The following TBC1D5 variants were observed in gnomAD, a reference collection of about 807,000 sequenced individuals.
The protein encoded by TBC1D5 is TBC1 domain family, member 5.
TBC1D5 carries 75 observed loss-of-function variants against 100.3 expected under a neutral mutation model. That is an observed-to-expected ratio of 0.75 (90% confidence interval 0.62 to 0.91). The LOEUF (loss-of-function observed/expected upper bound fraction) is 0.91, where lower values mean the gene tolerates loss of function less well. TBC1D5 is among the 40% of genes least tolerant of loss of function. TBC1D5 has a pLI of 0.00. For missense variants in TBC1D5, 910 were observed against 942.4 expected (o/e 0.97, Z 0.45); for synonymous variants, 323 against 325.6 (o/e 0.99, Z 0.09).
At chr3:17,708,298 C>G (rs1259970404) in intron 1 of TBC1D5, among the ~76,000 whole-genome samples, 2 of 152,158 alleles carry the variant, frequency 1.3e-5, no homozygotes, top group South Asian at 2.1e-4. Context: ...CTACTTTGTT[C>G]CTTTTAACTA....
At chr3:17,304,610 G>T (rs1350572273) in intron 14 of TBC1D5, among the ~76,000 whole-genome samples, 4 of 152,096 alleles carry the variant, frequency 2.6e-5, no homozygotes, top group Non-Finnish European at 5.9e-5. Context: ...TTCACCACGT[G>T]TCTCAGACTG....
At chr3:17,673,436 G>A (rs1013494142) in intron 1 of TBC1D5, among the ~76,000 whole-genome samples, 3 of 148,582 alleles carry the variant, frequency 2.0e-5, no homozygotes, top group African/African-American at 7.4e-5. Context: ...TCAGCCTCCC[G>A]AGTACCTGAG....
intron 3 of TBC1D5, among the ~76,000 whole-genome samples, chr3:17,436,497 T>C (rs2094538259): frequency 6.6e-6 from 1 of 152,202 alleles, no homozygotes; most frequent in Non-Finnish European, 1.5e-5. Context: ...TTTTTCTTCT[T>C]ATCAATTAAA....
At chr3:17,591,970 T>C (rs1265097371) in intron 2 of TBC1D5, among the ~76,000 whole-genome samples, 3 of 152,186 alleles carry the variant, frequency 2.0e-5, no homozygotes, top group Non-Finnish European at 4.4e-5. Context: ...TGACAGTAGA[T>C]TATCGTAAGC....
chr3:17,545,107 A>G (rs943797862), intron 2 of TBC1D5, among the ~76,000 whole-genome samples: 2 of 152,170 alleles, frequency 1.3e-5, no homozygotes, highest in Non-Finnish European at 2.9e-5. Flanking sequence ...TTATTTTTTA[A>G]AAAAAGCACT....
At chr3:17,416,356 T>C (rs1191138492) in intron 4 of TBC1D5, among the ~76,000 whole-genome samples, 2 of 152,228 alleles carry the variant, frequency 1.3e-5, no homozygotes, top group Non-Finnish European at 1.5e-5. Context: ...TATTGTATTT[T>C]AATTAATTGA....
At chr3:17,316,539 C>A (rs1055802573) in intron 13 of TBC1D5, among the ~76,000 whole-genome samples, 1 of 152,142 alleles carries the variant, frequency 6.6e-6, no homozygotes, top group Non-Finnish European at 1.5e-5. Flanking sequence ...TATGTTATTG[C>A]GGATGCTTGT....
chr3:17,374,503 A>G, exon 12 of TBC1D5: 1 of 1,612,222 alleles, frequency 6.2e-7, no homozygotes, highest in Non-Finnish European at 8.5e-7. Flanking sequence ...GTTGAAAACC[A>G]AGGTTCAGCA....
intron 3 of TBC1D5, among the ~76,000 whole-genome samples, chr3:17,449,340 G>GT (rs1003644736): frequency 1.3e-5 from 2 of 152,182 alleles, no homozygotes; most frequent in Admixed American, 6.5e-5. Context: ...GCTAGTAGGA[G>GT]TTTTTTTCAT....
intron 1 of TBC1D5, chr3:17,647,040 T>C (rs934316424): frequency 3.3e-5 from 5 of 152,262 alleles, no homozygotes; most frequent in Admixed American, 2.6e-4. Context: ...AAACTTTACA[T>C]GTTCTGGACT....
chr3:17,674,758 A>G (rs2068405663), intron 1 of TBC1D5, among the ~76,000 whole-genome samples: 2 of 152,172 alleles, frequency 1.3e-5, no homozygotes, highest in South Asian at 2.1e-4. Context: ...TAGAAAGTAC[A>G]GTAAACAATA....
At chr3:17,371,998 CT>C in intron 13 of TBC1D5, 76 bp downstream of exon 13, 1 of 1,416,832 alleles carries the variant, frequency 7.1e-7, no homozygotes, top group Admixed American at 2.0e-5. Context: ...GATCATGCCA[CT>C]GCACTCTAGC....
chr3:17,617,374 T>C (rs1262055286), intron 2 of TBC1D5, among the ~76,000 whole-genome samples: 1 of 152,222 alleles, frequency 6.6e-6, no homozygotes, highest in Non-Finnish European at 1.5e-5. Context: ...GGGTTGCTCT[T>C]CTCAAGAATT....
At chr3:17,386,130 A>G (rs12494513) in intron 8 of TBC1D5, among the ~76,000 whole-genome samples, 60,945 of 151,892 alleles carry the variant, frequency 0.4, 12,881 homozygotes, top group Middle Eastern at 0.47. Flanking sequence ...TACGAATAGA[A>G]TAATACTTTT....
intron 13 of TBC1D5, among the ~76,000 whole-genome samples, chr3:17,314,997 G>A (rs2084501165): frequency 6.6e-6 from 1 of 152,224 alleles, no homozygotes; most frequent in African/African-American, 2.4e-5. Context: ...GGTCAATACA[G>A]GCATCTGCCA....
intron 3 of TBC1D5, among the ~76,000 whole-genome samples, chr3:17,454,481 A>C (rs909087774): frequency 1.3e-5 from 2 of 152,086 alleles, no homozygotes; most frequent in African/African-American, 4.8e-5. Flanking sequence ...TTTTTCTGAG[A>C]TGGAGTCTCG....
At chr3:17,717,257 C>CA (rs11322595) in intron 1 of TBC1D5, among the ~76,000 whole-genome samples, 50 of 140,800 alleles carry the variant, frequency 3.6e-4, no homozygotes, top group Middle Eastern at 3.8e-3. Flanking sequence ...AAGGATTTTT[C>CA]AAAAAAAAAA....
chr3:17,390,441 G>A (rs2093318806), intron 8 of TBC1D5, among the ~76,000 whole-genome samples: 1 of 152,102 alleles, frequency 6.6e-6, no homozygotes, highest in Admixed American at 6.6e-5. Context: ...CCACATTATA[G>A]TACATAATTA....
intron 1 of TBC1D5, among the ~76,000 whole-genome samples, chr3:17,644,449 C>G (rs766580886): frequency 2.2e-4 from 34 of 152,078 alleles, no homozygotes; most frequent in Non-Finnish European, 4.1e-4. Flanking sequence ...CCTACTTAAT[C>G]TAATATCATT....
Sources: allele counts gnomAD v4.1 joint callset (sites outside exome capture counted in the v4.1 genomes callset), GRCh38; gene constraint gnomAD v4.1.1; transcripts MANE v1.5; gene names NCBI Gene and HGNC (gene_info 2026-07-23, HGNC 2026-07-21).